The following IHO1 variants were observed in gnomAD, a reference collection of about 807,000 sequenced individuals.
IHO1 encodes the protein interactor of HORMAD1 protein 1.
A neutral mutation model predicts 31.0 loss-of-function variants in IHO1; 13 were observed. The observed-to-expected ratio is 0.42, with a 90% CI of 0.27 to 0.67. The LOEUF is 0.67. Ranked by LOEUF, IHO1 falls within the 30% of genes least tolerant of loss-of-function variation. The pLI is 0.24. For synonymous variants in IHO1, 221 were observed against 248.4 expected, an observed-to-expected ratio of 0.89 and a Z score of 1.04; for missense variants, 599 against 687.5, an observed-to-expected ratio of 0.87 and a Z score of 1.44.
intron 1 of IHO1, 66 bp from the exon 2 acceptor site, chr3:49,211,700 C>A: frequency 2.9e-6 from 2 of 686,726 alleles, no homozygotes; most frequent in Non-Finnish European, 5.2e-6. Flanking sequence ...ATATAATAGT[C>A]ACTAGTAATC....
chr3:49,224,866 G>A (rs2046399705), intron 2 of IHO1, among the ~76,000 whole-genome samples: 1 of 152,202 alleles, frequency 6.6e-6, no homozygotes, highest in African/African-American at 2.4e-5. Flanking sequence ...GTATGTATTT[G>A]AAGGGCCATT....
upstream of IHO1, among the ~76,000 whole-genome samples, chr3:49,195,510 G>A (rs2045991527): frequency 6.6e-6 from 1 of 151,476 alleles, no homozygotes; most frequent in African/African-American, 2.4e-5. Context: ...GAGGTCAGGA[G>A]ATAGAGACCA....
chr3:49,243,757 CAAAAAAAAAAA>C (rs1158612762), intron 4 of IHO1, among the ~76,000 whole-genome samples: 3 of 44,584 alleles, frequency 6.7e-5, no homozygotes, highest in African/African-American at 2.6e-4. Context: ...GACTCTGTCT[CAAAAAAAAAAA>C]AAAAAAAAAA....
intron 2 of IHO1, among the ~76,000 whole-genome samples, chr3:49,217,700 C>G (rs1396570054): frequency 6.6e-6 from 1 of 151,910 alleles, no homozygotes; most frequent in Admixed American, 6.6e-5. Context: ...TTAGTGGGAG[C>G]CCTGAGTTTG....
At chr3:49,207,160 C>T (rs1400987858) in intron 1 of IHO1, among the ~76,000 whole-genome samples, 4 of 151,410 alleles carry the variant, frequency 2.6e-5, no homozygotes, top group Non-Finnish European at 4.4e-5. Context: ...ACTTGATGAC[C>T]GGTTATATTA....
chr3:49,233,289 G>A (rs2107714407), intron 2 of IHO1, among the ~76,000 whole-genome samples: 1 of 152,340 alleles, frequency 6.6e-6, no homozygotes, highest in Middle Eastern at 3.4e-3. Context: ...ATGGCCTGCT[G>A]TAGGAGCTAA....
intron 2 of IHO1, among the ~76,000 whole-genome samples, chr3:49,212,228 C>T (rs1234049601): frequency 6.7e-6 from 1 of 149,002 alleles, no homozygotes; most frequent in African/African-American, 2.5e-5. Flanking sequence ...GGTTCCTGGT[C>T]AGGCATGGTA....
intron 2 of IHO1, among the ~76,000 whole-genome samples, chr3:49,232,529 T>G (rs1403659685): frequency 6.6e-6 from 1 of 152,208 alleles, no homozygotes; most frequent in African/African-American, 2.4e-5. Context: ...CAACAGCCAA[T>G]TTGGGTGCCA....
intron 2 of IHO1, among the ~76,000 whole-genome samples, chr3:49,218,844 C>T (rs1385986466): frequency 2.6e-5 from 4 of 152,106 alleles, no homozygotes; most frequent in Middle Eastern, 3.4e-3. Flanking sequence ...CATCCGTGTA[C>T]CTTACAATGA....
At chr3:49,251,257 A>G (rs1340865100) in intron 6 of IHO1, among the ~76,000 whole-genome samples, 1 of 147,040 alleles carries the variant, frequency 6.8e-6, no homozygotes, top group African/African-American at 2.5e-5. Context: ...AGTAGCTGGG[A>G]CTACAGGCAC....
chr3:49,213,212 T>A (rs189162011), intron 2 of IHO1, among the ~76,000 whole-genome samples: 1 of 152,012 alleles, frequency 6.6e-6, no homozygotes. Context: ...AAGTCCCCAC[T>A]AGATTAGCTA....
intron 3 of IHO1, among the ~76,000 whole-genome samples, chr3:49,239,152 A>G (rs1000143530): frequency 1.1e-4 from 17 of 150,264 alleles, no homozygotes; most frequent in African/African-American, 4.2e-4. Flanking sequence ...TTGTATTTTT[A>G]GTAGAGACAG....
upstream of IHO1, among the ~76,000 whole-genome samples, chr3:49,196,731 T>C (rs1391117458): frequency 6.7e-5 from 9 of 133,614 alleles, no homozygotes; most frequent in South Asian, 2.5e-4. Flanking sequence ...AGTGCAGTGG[T>C]GCGATCTCAG....
intron 2 of IHO1, among the ~76,000 whole-genome samples, chr3:49,233,533 C>A (rs2046508495): frequency 6.6e-6 from 1 of 152,200 alleles, no homozygotes; most frequent in South Asian, 2.1e-4. Context: ...GATAAAGACA[C>A]TTGGAGGCCC....
intron 4 of IHO1, among the ~76,000 whole-genome samples, 153 bp from the exon 5 acceptor site, chr3:49,244,251 C>T (rs973992471): frequency 1.3e-5 from 2 of 151,996 alleles, no homozygotes; most frequent in Non-Finnish European, 2.9e-5. Context: ...CTGCTGGGCA[C>T]TAAGGTTTCT....
chr3:49,229,479 G>T (rs561890251), intron 2 of IHO1, among the ~76,000 whole-genome samples: 1 of 152,358 alleles, frequency 6.6e-6, no homozygotes, highest in African/African-American at 2.4e-5. Flanking sequence ...AGCAGAGCCA[G>T]GAGAGCGCAT....
In IHO1 at chr3:49,217,420, A is replaced by G. The variant is rs1429772681; in HGVS notation, c.56+5584A>G. On this transcript the variant is annotated intron_variant, in intron 2 of 7. Coordinates refer to ENST00000452691, the MANE Select transcript of IHO1 (RefSeq NM_001135197.2). ...ACCAAACACCACATGTTCTCACTCA[A>G]GTGGGAGTTGAACAATGAGAACACA... 2.0e-5 allele frequency among the ~76,000 whole-genome samples: 3 copies of G among 148,650 alleles called. No homozygotes were observed. In the South Asian group the frequency reaches 6.4e-4, roughly 32 times the overall value.
chr3:49,211,145 C>T (rs935629517), intron 1 of IHO1, among the ~76,000 whole-genome samples: 2 of 151,048 alleles, frequency 1.3e-5, no homozygotes, highest in Non-Finnish European at 2.9e-5. Flanking sequence ...GTAGGTGGGA[C>T]TACAGGCACC....
At chr3:49,213,704 T>G (rs1291466310) in intron 2 of IHO1, among the ~76,000 whole-genome samples, 2 of 152,228 alleles carry the variant, frequency 1.3e-5, no homozygotes, top group East Asian at 3.8e-4. Flanking sequence ...CCTCACTGCC[T>G]GGGGCCAGCG....
Sources: allele counts gnomAD v4.1 joint callset (sites outside exome capture counted in the v4.1 genomes callset), GRCh38; gene constraint gnomAD v4.1.1; transcripts MANE v1.5; gene names NCBI Gene and HGNC (gene_info 2026-07-23, HGNC 2026-07-21).